The following PAH variants were observed in gnomAD, a reference collection of about 807,000 sequenced individuals.
PAH encodes phenylalanine-4-hydroxylase.
PAH carries 64 observed loss-of-function variants against 62.0 expected under a neutral mutation model. That is an observed-to-expected ratio of 1.03 (90% CI 0.84 to 1.27). PAH has a LOEUF of 1.27. Among genes scored for constraint, PAH ranks in the 50% most tolerant of loss-of-function variants. The pLI, the probability that PAH is intolerant of heterozygous loss-of-function variation, is 0.00. For missense variants in PAH, 579 were observed against 542.8 expected (o/e 1.07, Z -0.66); for synonymous variants, 195 against 196.2 (o/e 0.99, Z 0.05).
At chr12:102,917,914 T>C (rs1248830142), upstream of PAH, among the ~76,000 whole-genome samples, 1 of 152,174 alleles carries the variant, frequency 6.6e-6, no homozygotes. Context: ...ACATAAACAC[T>C]CAGTAAATGG....
At chr12:102,958,367 A>G (rs558732328), upstream of PAH, 16,120 of 1,441,078 alleles carry the variant, frequency 0.011, 120 homozygotes, top group Non-Finnish European at 0.014. Flanking sequence ...CGGCGGCCGC[A>G]GCCGCCGCAG....
At chr12:102,888,492 C>G (rs1398055003) in intron 3 of PAH, among the ~76,000 whole-genome samples, 1 of 150,314 alleles carries the variant, frequency 6.7e-6, no homozygotes, top group African/African-American at 2.5e-5. Context: ...ATGAGAGCCT[C>G]CTTATAATTT....
At chr12:102,958,228 C>T in exon 1 of PAH, 1 of 1,460,328 alleles carries the variant, frequency 6.8e-7, no homozygotes. Context: ...TCCGCGACTC[C>T]TTGGCCGCCG....
At chr12:102,877,117 T>A (rs1876600504) in intron 4 of PAH, 1 of 373,524 alleles carries the variant, frequency 2.7e-6, no homozygotes, top group Admixed American at 3.8e-5. Context: ...TTAGTACAGG[T>A]TGCTGTTTAC....
chr12:102,904,562 T>C (rs1379091194), intron 2 of PAH, among the ~76,000 whole-genome samples: 2 of 152,210 alleles, frequency 1.3e-5, no homozygotes, highest in African/African-American at 4.8e-5. Context: ...ATAATGACCC[T>C]TGGAATTCTT....
At chr12:102,927,570 A>T (rs1464988328) in intron 1 of PAH, among the ~76,000 whole-genome samples, 6 of 152,204 alleles carry the variant, frequency 3.9e-5, no homozygotes, top group Non-Finnish European at 7.4e-5. Context: ...TCAGGGCAAC[A>T]TGATTCCAGA....
intron 4 of PAH, among the ~76,000 whole-genome samples, chr12:102,870,855 C>T (rs994526842): frequency 6.6e-6 from 1 of 152,154 alleles, no homozygotes; most frequent in African/African-American, 2.4e-5. Context: ...ATGCCCAATC[C>T]CTTTGCTCAC....
chr12:102,866,702 A>G (rs1875989501), intron 4 of PAH, 39 bp from the exon 5 acceptor site: 1 of 1,518,060 alleles, frequency 6.6e-7, no homozygotes, highest in Non-Finnish European at 9.2e-7. Context: ...AAGGCTTCAT[A>G]GGAAGAGGTC....
Position 102,855,307 on chromosome 12 carries a change from A to G in PAH, c.535T>C (p.Tyr179His), listed in dbSNP as rs199475671. 6.2e-7 allele frequency: 1 copy of G among 1,614,064 alleles called. No homozygotes were observed. Among genetic ancestry groups the G allele is most frequent in the Non-Finnish European group, 8.5e-7 (1 of 1,179,978 alleles). Reference protein sequence around the residue: ...RHGQPIPRVEYMEEEKKTWGT... With the variant: ...RHGQPIPRVEHMEEEKKTWGT... ...CATGTTTTCTTTTCTTCCTCCATGT[A>G]TTCCACTCGAGGGATGGGCTGCCCA... Residue 179 changes from tyrosine to histidine, a missense_variant, in exon 6 of 13, where the codon TAC becomes CAC. By Grantham distance (83) the Tyr-to-His change is moderately conservative. Transcript: ENST00000553106.
intron 2 of PAH, among the ~76,000 whole-genome samples, chr12:102,901,261 T>C (rs1877749413): frequency 6.6e-6 from 1 of 152,198 alleles, no homozygotes; most frequent in Admixed American, 6.5e-5. Flanking sequence ...ATCTTGCAAG[T>C]ATGTGGGCTA....
chr12:102,851,755 C>T lies in PAH; in HGVS notation c.844G>A (p.Asp282Asn), dbSNP rs199475582. Residue 282 changes from aspartate to asparagine, a missense_variant and splice_region_variant, in exon 8 of 13, where the codon GAC becomes AAC. Physicochemically the swap from Asp to Asn is conservative, Grantham distance 23 (BLOSUM62 1). Transcript: ENST00000553106. ...TGTCCCAACAGCTCATGGCAGATGT[C>T]ACTGAAAGACAGAAAGCACAGAGAG... ...GSKPMYTPEPDICHELLGHVP... is the reference protein window; with the variant it reads ...GSKPMYTPEPNICHELLGHVP... 2.7e-5 allele frequency: 43 copies of T among 1,613,784 alleles called. No homozygotes were observed. The highest frequency in any genetic ancestry group is 3.5e-5 in the Non-Finnish European group (41 of 1,179,734).
intron 4 of PAH, among the ~76,000 whole-genome samples, chr12:102,868,255 T>A (rs112751300): frequency 0.016 from 2,421 of 148,184 alleles, 83 homozygotes; most frequent in African/African-American, 0.057. Flanking sequence ...TAATATAATG[T>A]AATTTGTTCT....
upstream of PAH, among the ~76,000 whole-genome samples, chr12:102,918,579 T>C (rs1215773102): frequency 6.6e-6 from 1 of 151,994 alleles, no homozygotes; most frequent in East Asian, 1.9e-4. Flanking sequence ...TGTTTTTTTT[T>C]TTTGTTTTGT....
chr12:102,926,644 C>A (rs1878691581), intron 1 of PAH, among the ~76,000 whole-genome samples: 1 of 151,618 alleles, frequency 6.6e-6, no homozygotes, highest in African/African-American at 2.4e-5. Context: ...AAGAACTTAT[C>A]AATAATTTTG....
chr12:102,931,098 T>C (rs1277328960), intron 1 of PAH, among the ~76,000 whole-genome samples: 5 of 152,180 alleles, frequency 3.3e-5, no homozygotes, highest in Non-Finnish European at 7.3e-5. Flanking sequence ...AAATATTATA[T>C]AATTTACCTG....
At chr12:102,947,171 GTGTT>G (rs1175431649) in intron 1 of PAH, among the ~76,000 whole-genome samples, 1 of 152,054 alleles carries the variant, frequency 6.6e-6, no homozygotes, top group Non-Finnish European at 1.5e-5. Flanking sequence ...CTAAATGTGT[GTGTT>G]TGTGTGTGTA....
intron 1 of PAH, chr12:102,958,188 C>T (rs1433739160): frequency 1.5e-6 from 2 of 1,366,636 alleles, no homozygotes; most frequent in African/African-American, 1.5e-5. Context: ...CCTCGCGGGC[C>T]CCGCACCTCG....
At chr12:102,905,301 TG>T (rs1430731655) in intron 2 of PAH, among the ~76,000 whole-genome samples, 1 of 152,198 alleles carries the variant, frequency 6.6e-6, no homozygotes, top group African/African-American at 2.4e-5. Context: ...CATAAAACCT[TG>T]GCCCCAAATA....
intron 2 of PAH, among the ~76,000 whole-genome samples, chr12:102,907,237 T>G (rs946607882): frequency 2.6e-5 from 4 of 152,178 alleles, no homozygotes; most frequent in African/African-American, 9.7e-5. Context: ...TTTTGCCCCC[T>G]CACCCCAAGA....
Sources: gnomAD v4.1 joint callset for allele counts (sites outside exome capture counted in the v4.1 genomes callset) on GRCh38, gnomAD v4.1.1 for gene constraint, MANE v1.5 for transcripts, NCBI Gene and HGNC (gene_info 2026-07-23, HGNC 2026-07-21) for gene names.